NEB: variants seen among roughly 807,000 people sequenced by gnomAD.
NEB encodes the protein nemaline myopathy type 2.
A neutral mutation model predicts 952.2 loss-of-function variants in NEB; 512 were observed. The ratio of observed to expected loss-of-function variants is 0.54; its 90% CI spans 0.50 to 0.58. The LOEUF (loss-of-function observed/expected upper bound fraction) is 0.58. Among genes scored for constraint, NEB ranks in the 20% least tolerant of loss-of-function variants. NEB has a pLI of 0.00. For synonymous variants in NEB, 2,900 were observed against 3,149.8 expected (o/e 0.92, Z 2.66); for missense variants, 8,428 against 9,231.1 (o/e 0.91, Z 3.56).
At position 151,687,719 on chromosome 2, in the gene NEB, T is replaced by C. The variant is rs1405530303; in HGVS notation, c.2430A>G (p.Gln810=). Residue 810 remains glutamine, a synonymous_variant, in exon 26 of 182, where the codon CAA becomes CAG. Coordinates refer to ENST00000397345, the MANE Select transcript of NEB (RefSeq NM_001164508.2). ...AYNLSDNVYK[Q]DWEKSKAKKF... ...TCTTGGCTTTGCTCTTCTCCCAGTC[T>C]TGCTTATAAACATTCTGGACAAGAA... is the stretch of plus-strand genomic sequence containing the variant. 1.9e-6 allele frequency: 3 copies of C among 1,586,792 alleles called. No homozygotes were observed. The African/African-American group carries it at 4.0e-5, about 21-fold the overall frequency.
rs758057048 is a variant in NEB at position 151,672,356 on chromosome 2, T to C, written c.4299+13A>G. 3 of 1,572,242 alleles carry C rather than the reference T, an allele frequency of 1.9e-6. No individual in the cohort carries two copies. Among genetic ancestry groups the C allele is most frequent in the Non-Finnish European group, 2.6e-6 (3 of 1,154,198 alleles). On this transcript the variant is annotated intron_variant, in intron 37 of 181. Transcript: ENST00000397345. ...GTGCAAACATCTCTGGGTCTGTTGT[T>C]ACACATACTTACATCACTCTGAATT...
In NEB at chr2:151,575,938, G is replaced by C. The variant is rs554455877; in HGVS notation, c.16909-139C>G. On this transcript the variant is annotated intron_variant, in intron 106 of 181. Coordinates refer to ENST00000397345, the MANE Select transcript of NEB (RefSeq NM_001164508.2). ...GCAAAGATTTCTGGAATCTTTTCAC[G>C]TAAGTTACTCAAATTTGATATAAAA... 17 of 774,548 alleles carry C rather than the reference G, an allele frequency of 2.2e-5. No individual in the cohort carries two copies. The African/African-American group carries it at 2.6e-4, about 12-fold the overall frequency. The allele number at this position is 774,548 out of a possible 1,614,324, so 48.0% of individuals were successfully genotyped here. A position where few individuals can be genotyped will look rare whatever the true frequency, so the allele number is the denominator to read the frequency against.
intron 161 of NEB, among the ~76,000 whole-genome samples, chr2:151,509,620 T>TG (rs2072395144): frequency 6.6e-6 from 1 of 152,126 alleles, no homozygotes; most frequent in Non-Finnish European, 1.5e-5. Flanking sequence ...GAGGTTTTTT[T>TG]TTTGTTTGTT....
intron 65 of NEB, among the ~76,000 whole-genome samples, chr2:151,631,940 A>T (rs2098675904): frequency 6.6e-6 from 1 of 152,190 alleles, no homozygotes; most frequent in Admixed American, 6.5e-5. Flanking sequence ...TAATGCCTTT[A>T]AAAACACAGT....
chr2:151,539,692 AT>A (rs1162983859), intron 138 of NEB, among the ~76,000 whole-genome samples: 1 of 152,182 alleles, frequency 6.6e-6, no homozygotes, highest in Non-Finnish European at 1.5e-5. Flanking sequence ...TCATTAACAG[AT>A]TATTAACAGA....
Position 151,533,557 on chromosome 2 carries a change from A to G in NEB, c.21313-11T>C. On this transcript the variant is annotated splice_polypyrimidine_tract_variant and intron_variant, in intron 142 of 181. Transcript: ENST00000397345. ...AGATTTATATTTTCTCTGTCCATGC[A>G]AAGAGCAGTGAAGCACAAAAGAGAC... 6.6e-7 allele frequency: 1 copy of G among 1,521,878 alleles called. No homozygotes were observed. Among genetic ancestry groups the G allele is most frequent in the Non-Finnish European group, 8.9e-7 (1 of 1,120,210 alleles). 94.3% of individuals were successfully genotyped at this position (1,521,878 alleles called of 1,614,324 possible).
At position 151,499,333 on chromosome 2, in the gene NEB, C is replaced by T. The variant is rs1341609785; in HGVS notation, c.24079G>A (p.Glu8027Lys). Reference sequence around the variant, plus strand: ...TTTTCTTGATTGTGTTTGACTCTCTCCATCTCTGGAGTGATGGGGATTGGA... The same window carrying T: ...TTTTCTTGATTGTGTTTGACTCTCTTCATCTCTGGAGTGATGGGGATTGGA... ...GIPIPITPEM[E>K]RVKHNQENFS... Residue 8027 changes from glutamate to lysine, a missense_variant, in exon 169 of 182, where the codon GAG (glutamate) becomes AAG (lysine). Physicochemically the swap from Glu to Lys is moderately conservative, Grantham distance 56. Around this residue, in one of 11 missense-constraint regions of NEB, gnomAD observed 3,374 missense variants for 3,651.5 expected, o/e 0.92. Coordinates refer to ENST00000397345, the MANE Select transcript of NEB (RefSeq NM_001164508.2). 1 of 1,542,652 alleles carries T rather than the reference C, an allele frequency of 6.5e-7. No individual in the cohort carries two copies. Among genetic ancestry groups the T allele is most frequent in the South Asian group, 1.2e-5 (1 of 82,952 alleles).
intron 141 of NEB, among the ~76,000 whole-genome samples, chr2:151,536,184 T>C (rs2093175684): frequency 2.0e-5 from 3 of 152,196 alleles, no homozygotes; most frequent in Admixed American, 6.5e-5. Flanking sequence ...TGGGATTACA[T>C]GTGTGAGCCA....
At chr2:151,547,009 G>T (rs574649870) in intron 133 of NEB, among the ~76,000 whole-genome samples, 1 of 152,118 alleles carries the variant, frequency 6.6e-6, no homozygotes, top group African/African-American at 2.4e-5. Context: ...TGAATGGATT[G>T]GTCTTTTAGG....
chr2:151,695,624 G>C lies in NEB; in HGVS notation c.1628C>G (p.Thr543Ser). 2 of 1,613,910 alleles carry C rather than the reference G, an allele frequency of 1.2e-6. No individual in the cohort carries two copies. The highest frequency in any genetic ancestry group is 1.7e-6 in the Non-Finnish European group (2 of 1,179,836). Residue 543 changes from threonine to serine, a missense_variant, in exon 18 of 182, where the codon ACT (threonine) becomes AGT (serine). Physicochemically the swap from Thr to Ser is moderately conservative, Grantham distance 58. This residue lies in a region of NEB where 2,851 missense variants were observed against 2,791.5 expected (regional missense o/e 1.02). Coordinates refer to ENST00000397345, the MANE Select transcript of NEB (RefSeq NM_001164508.2). ...EKFKCHIPPDTPAFIQHKVNA... is the reference protein window; with the variant it reads ...EKFKCHIPPDSPAFIQHKVNA... ...GACTTTGTGCTGGATAAAAGCAGGAGTATCAGGGGGGATATGGCACTTGAA... is the reference window on the plus strand; with the variant it reads ...GACTTTGTGCTGGATAAAAGCAGGACTATCAGGGGGGATATGGCACTTGAA...
rs114352852 is a variant in NEB at position 151,613,884 on chromosome 2, T to A, written c.11601+392A>T. 8.2e-3 allele frequency among the ~76,000 whole-genome samples: 1,250 copies of A among 152,348 alleles called. 18 individuals carry two copies. Among genetic ancestry groups the A allele is most frequent in the African/African-American group, 0.029 (1,191 of 41,590 alleles). ...TGCTCTGGTACAGCCCATGGAAATGTAAGTCAATTAAACCTCTTTTCTTCA... is the reference window on the plus strand; with the variant it reads ...TGCTCTGGTACAGCCCATGGAAATGAAAGTCAATTAAACCTCTTTTCTTCA... On this transcript the variant is annotated intron_variant, in intron 77 of 181. Coordinates refer to ENST00000397345, the MANE Select transcript of NEB (RefSeq NM_001164508.2).
rs1260089073 is a variant in NEB, at chr2:151,664,554, G to A, written c.5398C>T (p.Pro1800Ser). ...GCAGCCTTTATTGCAATGGCATCAG[G>A]CCTCAGGTCATATCCTTTCTTCTTT... ...EEKKKGYDLR[P>S]DAIAIKAARA... is the part of the protein sequence containing the mutation. The change falls in exon 44 of 182, where the codon CCT (proline) becomes TCT (serine). Residue 1800 changes from proline to serine, a missense_variant. Physicochemically the swap from Pro to Ser is moderately conservative, Grantham distance 74. Around this residue, in one of 11 missense-constraint regions of NEB, gnomAD observed 2,851 missense variants for 2,791.5 expected, o/e 1.02. Transcript: ENST00000397345. The A allele has an allele frequency of 3.1e-6, 5 of 1,608,562 alleles. No individual in the cohort carries two copies. In the African/African-American group the frequency reaches 5.4e-5, roughly 17 times the overall value.
chr2:151,618,026 C>T (rs983188398), intron 74 of NEB, among the ~76,000 whole-genome samples: 4 of 152,110 alleles, frequency 2.6e-5, no homozygotes, highest in African/African-American at 9.7e-5. Flanking sequence ...TGCCATTGCA[C>T]TCCAGCCTGG....
In NEB at chr2:151,489,999, G is replaced by A. The variant is rs1318617409; in HGVS notation, c.25376C>T (p.Ser8459Phe). ...AGCAGTAGATGGATGAGATGGGATG[G>A]AAGATACCGTTGTCTGTTGGGTAGC... Reference protein sequence around the residue: ...SVATQQTTVSSIPSHPSTAGK... With the variant: ...SVATQQTTVSFIPSHPSTAGK... The change falls in exon 181 of 182, where the codon TCC (serine) becomes TTC (phenylalanine). Residue 8459 changes from serine (S) to phenylalanine (F), a missense_variant. Physicochemically the swap from Ser to Phe is radical, Grantham distance 155. This residue lies in a region of NEB where 3,374 missense variants were observed against 3,651.5 expected (regional missense o/e 0.92). Transcript: ENST00000397345. The A allele has an allele frequency of 6.2e-7, 1 of 1,610,852 alleles. No individual in the cohort carries two copies. The highest frequency in any genetic ancestry group is 8.5e-7 in the Non-Finnish European group (1 of 1,177,178).
chr2:151,505,412 G>T, intron 165 of NEB, 66 bp downstream of exon 165: 1 of 1,320,844 alleles, frequency 7.6e-7, no homozygotes, highest in Non-Finnish European at 1.1e-6. Context: ...AAAGATGAGA[G>T]AGCACCAGGG....
chr2:151,501,402 T>C lies in NEB; in HGVS notation c.24010A>G (p.Asn8004Asp). The change falls in exon 168 of 182, where the codon AAC (asparagine) becomes GAC (aspartate). Residue 8004 changes from asparagine to aspartate, a missense_variant. Around this residue, in one of 11 missense-constraint regions of NEB, gnomAD observed 3,374 missense variants for 3,651.5 expected, o/e 0.92. Coordinates refer to ENST00000397345, the MANE Select transcript of NEB (RefSeq NM_001164508.2). ...TTTCTCCCAAATACCGAGCTAAAGT[T>C]TTCTTGATTGAGTTTGACTCGCTCC... ...EMERVKLNQENFSSVLYKENV... is the reference protein window; with the variant it reads ...EMERVKLNQEDFSSVLYKENV... The C allele has an allele frequency of 6.5e-7, 1 of 1,548,856 alleles. No individual in the cohort carries two copies. The highest frequency in any genetic ancestry group is 8.7e-7 in the Non-Finnish European group (1 of 1,144,942).
At chr2:151,636,842 T>TA (rs1471821790) in intron 63 of NEB, among the ~76,000 whole-genome samples, 2 of 152,308 alleles carry the variant, frequency 1.3e-5, no homozygotes, top group South Asian at 2.1e-4. Context: ...CTTTATTTTT[T>TA]ACTTTAAAAA....
At chr2:151,495,737 TTAAG>T (rs113277889) in intron 173 of NEB, among the ~76,000 whole-genome samples, 96,790 of 151,610 alleles carry the variant, frequency 0.64, 31,213 homozygotes, top group East Asian at 0.77. Flanking sequence ...ACTTTCATTT[TTAAG>T]TAAGTAAATT....
At chr2:151,522,763 T>C (rs575662770) in intron 153 of NEB, among the ~76,000 whole-genome samples, 1 of 152,306 alleles carries the variant, frequency 6.6e-6, no homozygotes, top group African/African-American at 2.4e-5. Flanking sequence ...TTAATTTTCT[T>C]AAGATGCCTC....
Sources: gnomAD v4.1 joint callset for allele counts (sites outside exome capture counted in the v4.1 genomes callset) on GRCh38, gnomAD v4.1.1 for gene constraint, gnomAD v4.1.1 regional missense constraint, MANE v1.5 for transcripts, NCBI Gene and HGNC (gene_info 2026-07-23, HGNC 2026-07-21) for gene names.